Variants in TLE1 observed in about 807,000 individuals in gnomAD.
TLE1 encodes transducin-like enhancer protein 1.
A neutral mutation model predicts 89.8 loss-of-function variants in TLE1; 21 were observed. The observed-to-expected ratio is 0.23, with a 90% CI of 0.17 to 0.34. TLE1 has a LOEUF of 0.34. Ranked by LOEUF, TLE1 falls within the 10% of genes least tolerant of loss-of-function variation. The probability of loss-of-function intolerance (pLI) is 1.00; values close to 1 mark genes in which losing one functional copy is unlikely to be tolerated. For synonymous variants in TLE1, 447 were observed against 407.6 expected (o/e 1.10, Z -1.16); for missense variants, 795 against 1,031.2 (o/e 0.77, Z 3.14).
intron 6 of TLE1, 79 bp downstream of exon 6, chr9:81,652,135 A>G (rs754150005): frequency 1.0e-5 from 14 of 1,390,602 alleles, no homozygotes; most frequent in African/African-American, 2.9e-5. Context: ...ACACACACAC[A>G]CACGTAAAGC....
rs141525822 is a variant in TLE1 at position 81,611,885 on chromosome 9, T to C, written c.1138A>G (p.Met380Val). 7 of 1,550,396 alleles carry C rather than the reference T, an allele frequency of 4.5e-6. No individual in the cohort carries two copies. The highest frequency in any genetic ancestry group is 1.7e-4 in the Middle Eastern group (1 of 5,900). Residue 380 changes from methionine to valine, a missense_variant, in exon 13 of 20, where the codon ATG becomes GTG. Around this residue, in one of 4 missense-constraint regions of TLE1, gnomAD observed 468 missense variants for 509.1 expected, o/e 0.92. Coordinates refer to ENST00000376499, the MANE Select transcript of TLE1 (RefSeq NM_005077.5). ...CCTGGGCTGGTCAGCTCGCCGTTCA[T>C]GCCAGCGTGGGGGACCATCCCAAAA... ...APFGMVPHAGMNGELTSPGAA... is the reference protein window; with the variant it reads ...APFGMVPHAGVNGELTSPGAA...
At chr9:81,602,275 T>C (rs1831038824) in intron 14 of TLE1, among the ~76,000 whole-genome samples, 1 of 152,112 alleles carries the variant, frequency 6.6e-6, no homozygotes, top group Admixed American at 6.6e-5. Flanking sequence ...GCTGGGGGGA[T>C]ATTACCAGCG....
At chr9:81,638,877 G>A (rs1302875750) in intron 6 of TLE1, among the ~76,000 whole-genome samples, 10 of 151,752 alleles carry the variant, frequency 6.6e-5, no homozygotes, top group Non-Finnish European at 1.3e-4. Context: ...CTCCCACTCC[G>A]GCCTCCCAAA....
At chr9:81,638,160 G>A (rs573561320) in intron 6 of TLE1, among the ~76,000 whole-genome samples, 17 of 152,206 alleles carry the variant, frequency 1.1e-4, no homozygotes, top group African/African-American at 2.6e-4. Context: ...TGGCAGTGAC[G>A]GGGGAGTTTA....
chr9:81,664,174 C>G (rs952853111), intron 4 of TLE1, among the ~76,000 whole-genome samples: 1 of 151,768 alleles, frequency 6.6e-6, no homozygotes, highest in African/African-American at 2.4e-5. Context: ...TATAATCCCA[C>G]CATTTTGGGC....
intron 8 of TLE1, among the ~76,000 whole-genome samples, chr9:81,627,896 C>T (rs1012336159): frequency 1.3e-5 from 2 of 152,004 alleles, no homozygotes; most frequent in Non-Finnish European, 1.5e-5. Context: ...TTTCCATAAC[C>T]GCCTGTGTAA....
At chr9:81,674,247 T>C (rs1186796294) in intron 4 of TLE1, among the ~76,000 whole-genome samples, 2 of 152,236 alleles carry the variant, frequency 1.3e-5, no homozygotes, top group Admixed American at 1.3e-4. Context: ...CAAATCCCAA[T>C]GGCTTGCCTT....
Position 81,593,119 on chromosome 9 carries a change from G to C in TLE1, c.1487C>G (p.Thr496Arg). ...CTTCCCGCCTGTGTACACGTGTCTC[G>C]TGGGGTTGCTGATGGTCACAGCGCA... ...VVCAVTISNPTRHVYTGGKGC... is the reference protein window; with the variant it reads ...VVCAVTISNPRRHVYTGGKGC... The change falls in exon 15 of 20, where the codon ACG becomes AGG. Residue 496 changes from threonine (T) to arginine (R), a missense_variant. Coordinates refer to ENST00000376499, the MANE Select transcript of TLE1 (RefSeq NM_005077.5). The C allele has an allele frequency of 6.2e-7, 1 of 1,614,166 alleles. No homozygotes were observed. The highest frequency in any genetic ancestry group is 8.5e-7 in the Non-Finnish European group (1 of 1,180,044).
intron 15 of TLE1, among the ~76,000 whole-genome samples, chr9:81,592,813 A>T (rs554980280): frequency 2.6e-5 from 4 of 152,310 alleles, no homozygotes; most frequent in South Asian, 4.1e-4. Context: ...TTTAAAAAGA[A>T]ATCCATCAAC....
At chr9:81,628,974 C>T (rs1334027098) in intron 8 of TLE1, among the ~76,000 whole-genome samples, 4 of 152,124 alleles carry the variant, frequency 2.6e-5, no homozygotes, top group South Asian at 2.1e-4. Flanking sequence ...GTCTATACAC[C>T]GTCTGCTCTG....
At chr9:81,650,536 CA>C (rs1442628035) in intron 6 of TLE1, among the ~76,000 whole-genome samples, 1 of 152,170 alleles carries the variant, frequency 6.6e-6, no homozygotes, top group African/African-American at 2.4e-5. Flanking sequence ...CTTTGCTAAT[CA>C]AACACAGTAC....
At chr9:81,648,366 G>C (rs73470148) in intron 6 of TLE1, among the ~76,000 whole-genome samples, 3,422 of 152,024 alleles carry the variant, frequency 0.023, 109 homozygotes, top group African/African-American at 0.077. Flanking sequence ...TAGGAGAAGG[G>C]GAAAAACTGT....
intron 4 of TLE1, among the ~76,000 whole-genome samples, chr9:81,680,738 C>G (rs1422157655): frequency 6.6e-6 from 1 of 151,716 alleles, no homozygotes; most frequent in East Asian, 1.9e-4. Context: ...AAGAACAGGC[C>G]TGGCTAATGA....
intron 8 of TLE1, among the ~76,000 whole-genome samples, chr9:81,630,671 G>A (rs1826470903): frequency 6.6e-6 from 1 of 152,076 alleles, no homozygotes; most frequent in Non-Finnish European, 1.5e-5. Context: ...ACCTTTCACT[G>A]GATTAAAAAA....
At chr9:81,632,317 G>A (rs560107474) in intron 8 of TLE1, among the ~76,000 whole-genome samples, 21 of 151,664 alleles carry the variant, frequency 1.4e-4, no homozygotes, top group East Asian at 1.9e-4. Flanking sequence ...ACTCCTCCAC[G>A]CACATCCAGA....
At chr9:81,679,054 A>C (rs1440176548) in intron 4 of TLE1, among the ~76,000 whole-genome samples, 1 of 152,184 alleles carries the variant, frequency 6.6e-6, no homozygotes, top group African/African-American at 2.4e-5. Context: ...AGGCTGAGGC[A>C]GGAGAATCAC....
At chr9:81,637,875 C>A (rs766023964) in intron 6 of TLE1, among the ~76,000 whole-genome samples, 3 of 151,972 alleles carry the variant, frequency 2.0e-5, no homozygotes, top group African/African-American at 7.2e-5. Flanking sequence ...TATCATGATA[C>A]CTACCCATTT....
rs1224854951 is a variant in TLE1 at position 81,584,209 on chromosome 9, CT to C, written c.2301del (p.Val768SerfsTer14). ...ACCACATAATGTTTTCAGTAGATGA[CT>C]TCATAGACTGTAGCCTTCTTGTCCC... The part of the protein sequence containing the change: ...GSGDKKATVY[E>X]VIY On this transcript the variant is annotated frameshift_variant, in exon 20 of 20. Transcript: ENST00000376499. LOFTEE classifies it high-confidence loss of function. 6.2e-7 allele frequency: 1 copy of C among 1,613,852 alleles called. No individual in the cohort carries two copies. Among genetic ancestry groups the C allele is most frequent in the Admixed American group, 1.7e-5 (1 of 60,014 alleles).
intron 6 of TLE1, among the ~76,000 whole-genome samples, chr9:81,643,244 G>GTT (rs60666250): frequency 1.4e-5 from 2 of 147,598 alleles, no homozygotes; most frequent in Admixed American, 6.7e-5. Context: ...TTGTTTTTTG[G>GTT]TTTTTTTTTT....
Sources: allele counts gnomAD v4.1 joint callset (sites outside exome capture counted in the v4.1 genomes callset), GRCh38; gene constraint gnomAD v4.1.1; regional missense constraint gnomAD v4.1.1; transcripts MANE v1.5; gene names NCBI Gene and HGNC (gene_info 2026-07-23, HGNC 2026-07-21).